The following MICAL2 variants were observed in gnomAD, a reference collection of about 807,000 sequenced individuals.
The protein encoded by MICAL2 is [F-actin]-monooxygenase MICAL2.
In MICAL2, 77 loss-of-function variants were observed where a neutral mutation model predicts 127.3. The observed-to-expected ratio is 0.60, with a 90% CI of 0.50 to 0.73. The LOEUF (loss-of-function observed/expected upper bound fraction) is 0.73. MICAL2 is among the 30% of genes least tolerant of loss of function. The pLI, the probability that MICAL2 is intolerant of heterozygous loss-of-function variation, is 0.00. For synonymous variants in MICAL2, 570 were observed against 551.1 expected (o/e 1.03, Z -0.48); for missense variants, 1,351 against 1,434.4 (o/e 0.94, Z 0.94).
At chr11:12,240,943 C>T (rs1036053296) in intron 17 of MICAL2, 97 bp from the exon 18 acceptor site, 4 of 1,436,424 alleles carry the variant, frequency 2.8e-6, no homozygotes, top group Non-Finnish European at 3.8e-6. Flanking sequence ...CGTCTCCCTG[C>T]TCCTCTTCTC....
chr11:12,280,597 C>T (rs4463828), intron 1 of MICAL2, among the ~76,000 whole-genome samples: 2 of 152,124 alleles, frequency 1.3e-5, no homozygotes, highest in Non-Finnish European at 2.9e-5. Context: ...CCTTCTGTGC[C>T]TGTGTGTGTC....
chr11:12,213,465 A>G, intron 7 of MICAL2, 55 bp downstream of exon 7: 1 of 1,581,660 alleles, frequency 6.3e-7, no homozygotes, highest in South Asian at 1.2e-5. Context: ...TGCAGTTTCT[A>G]AAGTGTGCAG....
chr11:12,233,362 C>T (rs941216289), intron 15 of MICAL2, among the ~76,000 whole-genome samples: 4 of 152,208 alleles, frequency 2.6e-5, no homozygotes, highest in Non-Finnish European at 5.9e-5. Context: ...CTATCACTGG[C>T]CGTCTTCCTG....
At chr11:12,330,085 G>C (rs1493961) in intron 32 of MICAL2, among the ~76,000 whole-genome samples, 66,094 of 151,896 alleles carry the variant, frequency 0.44, 16,339 homozygotes, top group Non-Finnish European at 0.57. Flanking sequence ...CAAGGGGCTG[G>C]AGACTAAAAG....
At chr11:12,274,932 G>A (rs1310020190), upstream of MICAL2, among the ~76,000 whole-genome samples, 4 of 151,976 alleles carry the variant, frequency 2.6e-5, no homozygotes, top group East Asian at 1.9e-4. Flanking sequence ...ACAGCAAGAG[G>A]CAGGGACGGA....
chr11:12,112,738 CTT>C (rs569120305), intron 1 of MICAL2, among the ~76,000 whole-genome samples: 175 of 152,206 alleles, frequency 1.1e-3, no homozygotes, highest in African/African-American at 4.1e-3. Flanking sequence ...ATTTTCATGA[CTT>C]ATTTTCATGA....
chr11:12,314,327 A>G (rs1864207741), intron 29 of MICAL2, among the ~76,000 whole-genome samples: 1 of 152,090 alleles, frequency 6.6e-6, no homozygotes, highest in East Asian at 1.9e-4. Flanking sequence ...TTTATGTAAT[A>G]CATAGTATGT....
chr11:12,202,801 C>T (rs879458074), intron 3 of MICAL2, among the ~76,000 whole-genome samples: 5 of 152,188 alleles, frequency 3.3e-5, no homozygotes, highest in Non-Finnish European at 7.3e-5. Flanking sequence ...AAAATTATGA[C>T]ACAATTCACA....
At chr11:12,353,557 A>G (rs1939086382) in intron 33 of MICAL2, among the ~76,000 whole-genome samples, 1 of 152,156 alleles carries the variant, frequency 6.6e-6, no homozygotes, top group Non-Finnish European at 1.5e-5. Flanking sequence ...TTCTTCTGAG[A>G]ACTCCAGAGT....
In MICAL2 at chr11:12,260,859, C is replaced by T. The variant is rs548890943; in HGVS notation, c.3334+962C>T. Reference sequence around the variant, plus strand: ...CTTTCCCCCCCATACCAACTCACAGCCAAATGACAAAGAACCGTGGGGTTT... The same window carrying T: ...CTTTCCCCCCCATACCAACTCACAGTCAAATGACAAAGAACCGTGGGGTTT... On this transcript the variant is annotated intron_variant, in intron 26 of 27. Coordinates refer to ENST00000683283, the MANE Select transcript of MICAL2 (RefSeq NM_001282663.2). The T allele has an allele frequency of 1.7e-5, 17 of 985,432 alleles. No homozygotes were observed. In the African/African-American group the frequency reaches 2.8e-4, roughly 16 times the overall value. The allele number at this position is 985,432 out of a possible 1,614,324, so 61.0% of individuals were successfully genotyped here.
chr11:12,247,529 T>TA (rs1178577039), intron 21 of MICAL2, among the ~76,000 whole-genome samples: 2 of 152,216 alleles, frequency 1.3e-5, no homozygotes, highest in Non-Finnish European at 2.9e-5. Flanking sequence ...TCTGAATACC[T>TA]ACACTCGCAG....
chr11:12,150,206 C>T (rs762935161), intron 2 of MICAL2, among the ~76,000 whole-genome samples: 19 of 152,108 alleles, frequency 1.2e-4, no homozygotes, highest in African/African-American at 3.9e-4. Flanking sequence ...TGGATTTGTG[C>T]GCATTTTGGG....
intron 21 of MICAL2, among the ~76,000 whole-genome samples, chr11:12,247,580 T>A (rs1488694777): frequency 6.6e-6 from 1 of 152,178 alleles, no homozygotes; most frequent in African/African-American, 2.4e-5. Flanking sequence ...TAGGCAGTTA[T>A]GGATGGAGTG....
At chr11:12,292,153 A>G (rs747354668), downstream of MICAL2, 32 of 1,613,706 alleles carry the variant, frequency 2.0e-5, 2 homozygotes, top group South Asian at 3.2e-4. Flanking sequence ...GTTTGACGCC[A>G]GTGAACAAAA....
At position 12,239,303 on chromosome 11, in the gene MICAL2, C is replaced by T. The variant is rs2134449269; in HGVS notation, c.2065-133C>T. On this transcript the variant is annotated intron_variant, in intron 16 of 27. Coordinates refer to ENST00000683283, the MANE Select transcript of MICAL2 (RefSeq NM_001282663.2). ...CTCTGCGGGGGTGGCCCTGCTGCCT[C>T]TGCCTCCCTTCCTCAGACCATGGAG... 4.8e-6 allele frequency: 6 copies of T among 1,255,478 alleles called. No homozygotes were observed. The Admixed American group carries it at 7.6e-5, about 16-fold the overall frequency. 77.8% of individuals were successfully genotyped at this position (1,255,478 alleles called of 1,614,324 possible).
chr11:12,248,580 C>T (rs543448011), intron 21 of MICAL2, among the ~76,000 whole-genome samples: 1 of 152,334 alleles, frequency 6.6e-6, no homozygotes, highest in East Asian at 1.9e-4. Context: ...GGGAATTGCC[C>T]CTCAGTCCTC....
chr11:12,303,190 G>A (rs774096438), intron 29 of MICAL2, among the ~76,000 whole-genome samples: 9 of 152,150 alleles, frequency 5.9e-5, no homozygotes, highest in African/African-American at 1.7e-4. Flanking sequence ...ACAGTTCAAG[G>A]TGAGATTTGG....
At chr11:12,192,101 T>C (rs1362154952) in intron 3 of MICAL2, among the ~76,000 whole-genome samples, 1 of 138,406 alleles carries the variant, frequency 7.2e-6, no homozygotes, top group Admixed American at 7.2e-5. Flanking sequence ...TGGGGAGGGA[T>C]GCATTGGACA....
chr11:12,125,730 C>T (rs1339556960), intron 1 of MICAL2, among the ~76,000 whole-genome samples: 1 of 152,206 alleles, frequency 6.6e-6, no homozygotes, highest in Non-Finnish European at 1.5e-5. Flanking sequence ...GAAACAGACA[C>T]AAGCAACTGA....
Sources: allele counts gnomAD v4.1 joint callset (sites outside exome capture counted in the v4.1 genomes callset), GRCh38; gene constraint gnomAD v4.1.1; transcripts MANE v1.5; gene names NCBI Gene and HGNC (gene_info 2026-07-23, HGNC 2026-07-21).